Variants in MCPH1 observed in about 807,000 individuals in gnomAD.
The protein encoded by MCPH1 is microcephalin.
MCPH1 carries 104 observed loss-of-function variants against 84.5 expected under a neutral mutation model. That is an observed-to-expected ratio of 1.23 (90% CI 1.05 to 1.45). MCPH1 has a LOEUF of 1.45. MCPH1 is among the 40% of genes most tolerant of loss of function. The pLI is 0.00. For missense variants in MCPH1, 1,498 were observed against 1,005.7 expected (o/e 1.49, Z -6.62); for synonymous variants, 514 against 366.8 (o/e 1.40, Z -4.58).
At chr8:6,632,491 A>G (rs1350874870) in intron 13 of MCPH1, among the ~76,000 whole-genome samples, 1 of 152,182 alleles carries the variant, frequency 6.6e-6, no homozygotes, top group African/African-American at 2.4e-5. Context: ...ATACTGGTTT[A>G]AAAAACTCAT....
At chr8:6,435,963 G>T in intron 4 of MCPH1, 85 bp from the exon 5 acceptor site, 1 of 1,501,518 alleles carries the variant, frequency 6.7e-7, no homozygotes, top group Non-Finnish European at 9.1e-7. Context: ...GTTATAAAAG[G>T]TATCAGAAAT....
chr8:6,586,889 C>G (rs1828028075), intron 12 of MCPH1, among the ~76,000 whole-genome samples: 2 of 152,190 alleles, frequency 1.3e-5, no homozygotes, highest in East Asian at 3.9e-4. Context: ...TGTAGACATC[C>G]TGACTTAGAA....
rs139842413 is a variant in MCPH1 at position 6,525,615 on chromosome 8, C to T, written c.2214+25686C>T. Among the ~76,000 whole-genome samples, 9 of 152,216 alleles carry T rather than the reference C, an allele frequency of 5.9e-5. No homozygotes were observed. The East Asian group carries it at 1.5e-3, about 26-fold the overall frequency. On this transcript the variant is annotated intron_variant, in intron 12 of 13. Transcript: ENST00000344683. ...ATGTGGTTTGTCCAATGTGAAACAC[C>T]ATTTGCATATTTTTGTAATGATATA...
At chr8:6,474,314 C>G (rs1808152538) in intron 9 of MCPH1, 1 of 471,706 alleles carries the variant, frequency 2.1e-6, no homozygotes, top group Non-Finnish European at 3.9e-6. Context: ...TTTCCAACCT[C>G]TGGTGTACCT....
At chr8:6,545,854 G>A (rs1171255693) in intron 12 of MCPH1, among the ~76,000 whole-genome samples, 1 of 152,232 alleles carries the variant, frequency 6.6e-6, no homozygotes, top group South Asian at 2.1e-4. Flanking sequence ...GAAATCGATT[G>A]AATTTAGTTC....
At chr8:6,437,701 C>G (rs999354880) in intron 5 of MCPH1, among the ~76,000 whole-genome samples, 1 of 152,182 alleles carries the variant, frequency 6.6e-6, no homozygotes, top group Non-Finnish European at 1.5e-5. Context: ...CCAGCTGTCT[C>G]GTCTTCGTCA....
intron 8 of MCPH1, chr8:6,446,781 A>T (rs1444508965): frequency 7.1e-6 from 7 of 984,772 alleles, no homozygotes; most frequent in Non-Finnish European, 8.4e-6. Flanking sequence ...TAAGTAGGAA[A>T]AAGCTGGTAG....
intron 12 of MCPH1, among the ~76,000 whole-genome samples, chr8:6,542,911 TC>T (rs1231866559): frequency 6.6e-6 from 1 of 152,240 alleles, no homozygotes; most frequent in African/African-American, 2.4e-5. Context: ...TAGATAATTT[TC>T]TAGAAGACAT....
At chr8:6,534,985 C>T (rs142880648) in intron 12 of MCPH1, among the ~76,000 whole-genome samples, 171 of 152,328 alleles carry the variant, frequency 1.1e-3, no homozygotes, top group African/African-American at 3.9e-3. Flanking sequence ...AGTTACTCCT[C>T]ACAGCACCCC....
At chr8:6,521,596 A>G (rs1412591601) in intron 12 of MCPH1, among the ~76,000 whole-genome samples, 1 of 152,268 alleles carries the variant, frequency 6.6e-6, no homozygotes, top group Non-Finnish European at 1.5e-5. Context: ...AAATGTGTGT[A>G]TATATGTAAA....
At chr8:6,446,687 C>G (rs757262345) in intron 8 of MCPH1, 2 of 984,824 alleles carry the variant, frequency 2.0e-6, no homozygotes, top group African/African-American at 1.7e-5. Flanking sequence ...ATATCCTGTT[C>G]TGAGGTTTAC....
rs1809155212 is a variant in MCPH1 at position 6,480,985 on chromosome 8, T to G, written c.2136+109T>G. 2.1e-5 allele frequency: 27 copies of G among 1,286,154 alleles called. No homozygotes were observed. In the South Asian group the frequency reaches 3.3e-4, roughly 16 times the overall value. 79.7% of individuals were successfully genotyped at this position (1,286,154 alleles called of 1,614,324 possible). ...AGGCCGGCGTGCACCCTTGTGGATC[T>G]GCACACTTTCCTGTGAGCTGGGAAC... On this transcript the variant is annotated intron_variant, in intron 11 of 13. Transcript: ENST00000344683.
At chr8:6,563,020 A>G in intron 12 of MCPH1, 2 of 1,424,068 alleles carry the variant, frequency 1.4e-6, no homozygotes. Flanking sequence ...TCTAAAACGC[A>G]GGGCTGCTAC....
intron 12 of MCPH1, among the ~76,000 whole-genome samples, chr8:6,536,212 C>T (rs1224532421): frequency 2.0e-5 from 3 of 152,070 alleles, no homozygotes; most frequent in African/African-American, 2.4e-5. Context: ...GAAACACTAG[C>T]GACAGGAACA....
chr8:6,468,367 C>G (rs567243098), intron 9 of MCPH1, among the ~76,000 whole-genome samples: 1 of 152,160 alleles, frequency 6.6e-6, no homozygotes, highest in African/African-American at 2.4e-5. Context: ...CTGCACCCTT[C>G]TCCCACACAC....
intron 12 of MCPH1, among the ~76,000 whole-genome samples, chr8:6,534,535 C>T (rs984515093): frequency 1.3e-5 from 2 of 152,162 alleles, no homozygotes; most frequent in African/African-American, 2.4e-5. Context: ...CCCCAAAGTG[C>T]TGGGACTACG....
intron 8 of MCPH1, chr8:6,446,307 C>G: frequency 1.0e-6 from 1 of 985,210 alleles, no homozygotes; most frequent in South Asian, 4.7e-5. Context: ...ACCGTCTTTA[C>G]CTAAAGATTA....
chr8:6,419,048 A>T (rs1031015868), intron 3 of MCPH1, among the ~76,000 whole-genome samples: 1 of 151,826 alleles, frequency 6.6e-6, no homozygotes, highest in Non-Finnish European at 1.5e-5. Context: ...CTGGGACTCC[A>T]ATTATGTTTA....
intron 12 of MCPH1, among the ~76,000 whole-genome samples, chr8:6,550,405 G>T (rs536926902): frequency 6.6e-6 from 1 of 152,330 alleles, no homozygotes; most frequent in African/African-American, 2.4e-5. Context: ...CGGTGACCCC[G>T]TCTCTACAGC....
Sources: gnomAD v4.1 joint callset for allele counts (sites outside exome capture counted in the v4.1 genomes callset) on GRCh38, gnomAD v4.1.1 for gene constraint, MANE v1.5 for transcripts, NCBI Gene and HGNC (gene_info 2026-07-23, HGNC 2026-07-21) for gene names.